SNTB2: variants seen among roughly 807,000 people sequenced by gnomAD.
SNTB2 encodes the protein syntrophin beta 2.
Under a neutral mutation model 46.2 loss-of-function variants are expected in SNTB2, and 34 were observed. That is an observed-to-expected ratio of 0.74 (90% confidence interval 0.56 to 0.98). The LOEUF (loss-of-function observed/expected upper bound fraction) is 0.98, where lower values mean the gene tolerates loss of function less well. Among genes scored for constraint, SNTB2 ranks in the 50% least tolerant of loss-of-function variants. The pLI is 0.00. For missense variants in SNTB2, 603 were observed against 731.4 expected (o/e 0.82, Z 2.02); for synonymous variants, 290 against 312.6 (o/e 0.93, Z 0.76).
At chr16:69,274,610 G>A (rs1367666202) in intron 4 of SNTB2, among the ~76,000 whole-genome samples, 16 of 147,184 alleles carry the variant, frequency 1.1e-4, no homozygotes, top group African/African-American at 3.3e-4. Context: ...CCAAGATCGC[G>A]TCACTGCACT....
chr16:69,301,024 A>G lies in SNTB2; in HGVS notation c.*100A>G. On this transcript the variant is annotated 3_prime_UTR_variant, in exon 7 of 7. Transcript: ENST00000336278. ...GAAACTCTTTGCTCTCCTTCAGCAC[A>G]GTGCCTTCCCAAGGACCTGCAAATA... is the stretch of plus-strand genomic sequence containing the variant. The G allele has an allele frequency of 1.4e-6, 1 of 720,688 alleles. No homozygotes were observed. The highest frequency in any genetic ancestry group is 2.4e-6 in the Non-Finnish European group (1 of 420,388). 44.6% of individuals were successfully genotyped at this position (720,688 alleles called of 1,614,324 possible). A position where few individuals can be genotyped will look rare whatever the true frequency, so the allele number is the denominator to read the frequency against.
At chr16:69,242,414 C>A (rs899209039) in intron 1 of SNTB2, among the ~76,000 whole-genome samples, 1 of 151,992 alleles carries the variant, frequency 6.6e-6, no homozygotes, top group Non-Finnish European at 1.5e-5. Context: ...CAGAGTGAGA[C>A]CCTGTCTCAA....
rs919630557 is a variant in SNTB2, at chr16:69,306,543, C to T, written c.*5619C>T. The T allele has an allele frequency of 2.0e-5, 3 of 152,184 alleles. No homozygotes were observed. The highest frequency in any genetic ancestry group is 7.2e-5 in the African/African-American group (3 of 41,450). The allele number at this position is 152,184 out of a possible 1,614,324, so 9.4% of individuals were successfully genotyped here. A position where few individuals can be genotyped will look rare whatever the true frequency, so the allele number is the denominator to read the frequency against. ...AGAAATCCACCATATAAACCATAATCCTTGAATTGCCCCTTTTAAAATAGA... is the reference window on the plus strand; with the variant it reads ...AGAAATCCACCATATAAACCATAATTCTTGAATTGCCCCTTTTAAAATAGA... On this transcript the variant is annotated 3_prime_UTR_variant, in exon 7 of 7. Coordinates refer to ENST00000336278, the MANE Select transcript of SNTB2 (RefSeq NM_006750.4).
chr16:69,256,257 T>G (rs1409738344), intron 2 of SNTB2, among the ~76,000 whole-genome samples: 1 of 152,102 alleles, frequency 6.6e-6, no homozygotes, highest in Non-Finnish European at 1.5e-5. Context: ...TGGCTTCAAG[T>G]GATTTCCCCG....
chr16:69,213,595 G>A (rs1299141057), intron 1 of SNTB2, among the ~76,000 whole-genome samples: 1 of 151,764 alleles, frequency 6.6e-6, no homozygotes, highest in African/African-American at 2.4e-5. Context: ...TGCCTCCTGG[G>A]TTCAAGTGAT....
chr16:69,299,407 C>A (rs1965258482), intron 5 of SNTB2, among the ~76,000 whole-genome samples, 183 bp from the exon 6 acceptor site: 1 of 152,216 alleles, frequency 6.6e-6, no homozygotes. Flanking sequence ...TCCCAAAGTG[C>A]TGGGATTACA....
rs779363837 is a variant in SNTB2, at chr16:69,277,457, A to G, written c.1149-6591A>G. On this transcript the variant is annotated intron_variant, in intron 4 of 6. Transcript: ENST00000336278. ...GCAAAATTATGCATGCATAAAAAAG[A>G]TCCATTGAAATTTCAAGGGAAACCA... is the stretch of plus-strand genomic sequence containing the variant. Among the ~76,000 whole-genome samples the G allele has an allele frequency of 9.8e-5, 15 of 152,352 alleles. No individual in the cohort carries two copies. In the East Asian group the frequency reaches 2.9e-3, roughly 29 times the overall value.
At chr16:69,189,957 T>A (rs897049516) in intron 1 of SNTB2, among the ~76,000 whole-genome samples, 1 of 152,238 alleles carries the variant, frequency 6.6e-6, no homozygotes, top group East Asian at 1.9e-4. Context: ...TTTCCCACTT[T>A]GTACAAGACA....
intron 1 of SNTB2, among the ~76,000 whole-genome samples, chr16:69,242,889 C>A (rs980574640): frequency 6.6e-6 from 1 of 152,000 alleles, no homozygotes; most frequent in African/African-American, 2.4e-5. Flanking sequence ...GGCGTGGTGG[C>A]GGGCGCCTGT....
intron 5 of SNTB2, among the ~76,000 whole-genome samples, 160 bp from the exon 6 acceptor site, chr16:69,299,430 C>T (rs912922277): frequency 6.6e-6 from 1 of 152,114 alleles, no homozygotes; most frequent in African/African-American, 2.4e-5. Flanking sequence ...CGTGAGCCAC[C>T]ACGCCTAGCA....
In SNTB2 at chr16:69,202,402, ATT is replaced by A. The variant is rs200721756; in HGVS notation, c.580+14666_580+14667del. On this transcript the variant is annotated intron_variant, in intron 1 of 6. Coordinates refer to ENST00000336278, the MANE Select transcript of SNTB2 (RefSeq NM_006750.4). ...GCTGTGAACTTTATGAACTGTTAGA[ATT>A]TTTTTTTTTCTTTTTTGAGATAGGG... is the stretch of plus-strand genomic sequence containing the variant. Among the ~76,000 whole-genome samples, 11 of 148,812 alleles carry A rather than the reference ATT, an allele frequency of 7.4e-5. No homozygotes were observed. The South Asian group carries it at 2.4e-3, about 32-fold the overall frequency.
chr16:69,285,542 TG>T (rs1301255807), intron 5 of SNTB2, among the ~76,000 whole-genome samples: 1 of 151,320 alleles, frequency 6.6e-6, no homozygotes, highest in Non-Finnish European at 1.5e-5. Flanking sequence ...TGCAGTGACA[TG>T]ATCCGAGCTC....
In SNTB2 at chr16:69,308,427, A is replaced by G. The variant is rs1965331423; in HGVS notation, c.*7503A>G. The stretch of plus-strand genomic sequence containing the variant: ...GCAAATCTGCCCTTATCGTAAGAAC[A>G]AGTTTCAGAATTTTCCCTCCACTAT... On this transcript the variant is annotated 3_prime_UTR_variant, in exon 7 of 7. Coordinates refer to ENST00000336278, the MANE Select transcript of SNTB2 (RefSeq NM_006750.4). The G allele has an allele frequency of 6.6e-6, 1 of 152,348 alleles. No homozygotes were observed. Among genetic ancestry groups the G allele is most frequent in the Non-Finnish European group, 1.5e-5 (1 of 68,022 alleles). The allele number at this position is 152,348 out of a possible 1,614,324, so 9.4% of individuals were successfully genotyped here.
chr16:69,211,179 T>C (rs912062592), intron 1 of SNTB2, among the ~76,000 whole-genome samples: 1 of 152,046 alleles, frequency 6.6e-6, no homozygotes. Context: ...TAAAATTGTT[T>C]GAAAGCAATG....
intron 1 of SNTB2, among the ~76,000 whole-genome samples, chr16:69,210,628 C>G (rs1211683793): frequency 6.6e-6 from 1 of 151,938 alleles, no homozygotes; most frequent in African/African-American, 2.4e-5. Flanking sequence ...CTCTAGGGAT[C>G]CTCCCACCTC....
At chr16:69,217,223 C>T (rs921050177) in intron 1 of SNTB2, among the ~76,000 whole-genome samples, 6 of 152,132 alleles carry the variant, frequency 3.9e-5, no homozygotes, top group Admixed American at 1.3e-4. Flanking sequence ...TTAAAATGCT[C>T]ACTCACTGGG....
chr16:69,257,990 A>G (rs910826417), intron 2 of SNTB2, among the ~76,000 whole-genome samples: 6 of 152,274 alleles, frequency 3.9e-5, no homozygotes, highest in Admixed American at 1.3e-4. Flanking sequence ...ATGAAAATGA[A>G]TATTTGCAAT....
At chr16:69,229,375 G>T (rs1320190044) in intron 1 of SNTB2, among the ~76,000 whole-genome samples, 1 of 151,382 alleles carries the variant, frequency 6.6e-6, no homozygotes, top group Admixed American at 6.6e-5. Flanking sequence ...TTGCCATGTT[G>T]CCCAGGCTGG....
intron 1 of SNTB2, among the ~76,000 whole-genome samples, chr16:69,245,277 A>G (rs1174089475): frequency 2.6e-5 from 4 of 152,084 alleles, no homozygotes; most frequent in African/African-American, 9.6e-5. Flanking sequence ...CACTGCAGCC[A>G]CCGCCTCCCG....
Sources: allele counts gnomAD v4.1 joint callset (sites outside exome capture counted in the v4.1 genomes callset), GRCh38; gene constraint gnomAD v4.1.1; transcripts MANE v1.5; gene names NCBI Gene and HGNC (gene_info 2026-07-23, HGNC 2026-07-21).